The following GLIS3 variants were observed in gnomAD, a reference collection of about 807,000 sequenced individuals.
GLIS3 encodes the protein zinc finger protein GLIS3.
A neutral mutation model predicts 78.6 loss-of-function variants in GLIS3; 53 were observed. That is an observed-to-expected ratio of 0.67 (90% CI 0.54 to 0.85). The LOEUF is 0.85. Among genes scored for constraint, GLIS3 ranks in the 40% least tolerant of loss-of-function variants. The pLI, the probability that GLIS3 is intolerant of heterozygous loss-of-function variation, is 0.00. For synonymous variants in GLIS3, 684 were observed against 509.9 expected, an observed-to-expected ratio of 1.34 and a Z score of -4.60; for missense variants, 1,703 against 1,231.1, an observed-to-expected ratio of 1.38 and a Z score of -5.74.
chr9:4,008,586 A>C (rs16920358), intron 4 of GLIS3, among the ~76,000 whole-genome samples: 18,003 of 152,050 alleles, frequency 0.12, 1,158 homozygotes, highest in African/African-American at 0.16. Context: ...GCAAAAGTTG[A>C]TTTCTGTGGC....
At chr9:4,420,539 G>C in the GLIS3 span, among the ~76,000 whole-genome samples, 7 of 152,124 alleles carry the variant, frequency 4.6e-5, no homozygotes, top group Non-Finnish European at 1.0e-4. Context: ...TAAGGCAGGT[G>C]GGGAATACCA....
At chr9:4,164,259 A>G (rs1835714295) in intron 2 of GLIS3, among the ~76,000 whole-genome samples, 1 of 152,212 alleles carries the variant, frequency 6.6e-6, no homozygotes, top group African/African-American at 2.4e-5. Context: ...AACCCTGGGA[A>G]AATTATACAA....
At chr9:4,268,718 A>G (rs764254770) in intron 2 of GLIS3, among the ~76,000 whole-genome samples, 19 of 152,268 alleles carry the variant, frequency 1.2e-4, no homozygotes, top group South Asian at 4.2e-4. Context: ...GAGAGTAGGA[A>G]CCCACACTTG....
chr9:4,000,257 T>C (rs571999514), intron 4 of GLIS3, among the ~76,000 whole-genome samples: 1 of 152,292 alleles, frequency 6.6e-6, no homozygotes, highest in African/African-American at 2.4e-5. Context: ...AGGATCCTAT[T>C]ATATACACTT....
chr9:3,984,957 T>G (rs1408214799), intron 4 of GLIS3, among the ~76,000 whole-genome samples: 1 of 152,168 alleles, frequency 6.6e-6, no homozygotes. Flanking sequence ...TGCTCGTCCT[T>G]GCCTTCTGCC....
intron 9 of GLIS3, among the ~76,000 whole-genome samples, chr9:3,853,660 C>G (rs1290394835): frequency 6.6e-6 from 1 of 152,182 alleles, no homozygotes; most frequent in Non-Finnish European, 1.5e-5. Context: ...ATGATTTGCC[C>G]AGAGTCACAC....
chr9:4,250,683 A>C (rs956734158), intron 2 of GLIS3, among the ~76,000 whole-genome samples: 2 of 152,038 alleles, frequency 1.3e-5, no homozygotes, highest in African/African-American at 4.8e-5. Flanking sequence ...TTGCTTCTCT[A>C]GTTCTTTTAA....
intron 4 of GLIS3, among the ~76,000 whole-genome samples, chr9:4,100,998 G>T (rs756343618): frequency 3.5e-4 from 54 of 152,126 alleles, no homozygotes; most frequent in Non-Finnish European, 5.9e-4. Context: ...TGGGCTGGGG[G>T]CCCCTGGAAA....
At chr9:3,883,366 C>T (rs1177940366) in intron 7 of GLIS3, among the ~76,000 whole-genome samples, 1 of 152,200 alleles carries the variant, frequency 6.6e-6, no homozygotes, top group Non-Finnish European at 1.5e-5. Context: ...TGTTTTAAGT[C>T]TGAATATCTG....
At position 4,337,467 on chromosome 9, in the gene GLIS3, AT is replaced by A. The variant is rs142002512; in HGVS notation, n.264+9613del. 7.0e-3 allele frequency among the ~76,000 whole-genome samples: 1,060 copies of A among 152,346 alleles called. 16 individuals carry two copies. The highest frequency in any genetic ancestry group is 0.024 in the African/African-American group (981 of 41,580). On this transcript the variant is annotated intron_variant and non_coding_transcript_variant, in intron 2 of 4. Transcript: ENST00000471664. ...TACGGACAGTATTTTCATACTTTTG[AT>A]TTAAACGAATGAAGGCAATATTTTG...
chr9:4,370,183 C>CAAAAAAAA, the GLIS3 span, among the ~76,000 whole-genome samples: 2 of 88,380 alleles, frequency 2.3e-5, no homozygotes, highest in African/African-American at 4.7e-5. Flanking sequence ...GACTCCATCT[C>CAAAAAAAA]AAAAAAAAAA....
upstream of GLIS3, among the ~76,000 whole-genome samples, chr9:4,304,177 A>G (rs796254468): frequency 2.0e-4 from 31 of 152,326 alleles, no homozygotes; most frequent in African/African-American, 7.2e-4. Context: ...TAATCATTTC[A>G]GTGTTCCAAA....
intron 2 of GLIS3, among the ~76,000 whole-genome samples, chr9:4,140,120 G>A (rs1270375706): frequency 6.6e-6 from 1 of 152,116 alleles, no homozygotes; most frequent in Non-Finnish European, 1.5e-5. Flanking sequence ...GCTCTGGAGT[G>A]TGAGACCAGC....
intron 2 of GLIS3, among the ~76,000 whole-genome samples, chr9:4,236,985 G>C (rs956802860): frequency 1.5e-4 from 23 of 152,078 alleles, no homozygotes; most frequent in African/African-American, 5.5e-4. Context: ...ACTAAATCTA[G>C]GGAATCCTTC....
chr9:3,899,683 T>C (rs192206206), intron 6 of GLIS3, among the ~76,000 whole-genome samples: 76 of 152,314 alleles, frequency 5.0e-4, no homozygotes, highest in African/African-American at 1.7e-3. Flanking sequence ...AAATGGATTT[T>C]ATAAAGACAA....
the GLIS3 span, among the ~76,000 whole-genome samples, chr9:4,403,299 C>CA: frequency 2.0e-3 from 300 of 152,262 alleles, 1 homozygote; most frequent in African/African-American, 6.9e-3. Context: ...CTCTCCTACA[C>CA]AAAATGCTAA....
chr9:4,162,329 C>A (rs1835547772), intron 2 of GLIS3, among the ~76,000 whole-genome samples: 1 of 152,106 alleles, frequency 6.6e-6, no homozygotes, highest in Admixed American at 6.5e-5. Flanking sequence ...AAACAAAAGT[C>A]ACATTCTGAG....
chr9:3,964,424 C>CA (rs1554659397), intron 4 of GLIS3, among the ~76,000 whole-genome samples: 4 of 152,130 alleles, frequency 2.6e-5, no homozygotes, highest in Admixed American at 2.6e-4. Context: ...GTTACCCCCC[C>CA]AAAAAGGAAC....
intron 2 of GLIS3, among the ~76,000 whole-genome samples, chr9:4,189,832 T>C (rs1258125222): frequency 6.6e-6 from 1 of 152,178 alleles, no homozygotes; most frequent in East Asian, 1.9e-4. Context: ...CCTTTTTTTT[T>C]GTTTTCCATT....
Sources: allele counts gnomAD v4.1 joint callset (sites outside exome capture counted in the v4.1 genomes callset), GRCh38; gene constraint gnomAD v4.1.1; transcripts MANE v1.5; gene names NCBI Gene and HGNC (gene_info 2026-07-23, HGNC 2026-07-21).